Variants in NR1H4 observed in about 807,000 individuals in gnomAD.
NR1H4 encodes the protein bile acid receptor.
Under a neutral mutation model 58.5 loss-of-function variants are expected in NR1H4, and 23 were observed. The observed-to-expected ratio is 0.39, with a 90% CI of 0.28 to 0.56. The LOEUF is 0.56. Ranked by LOEUF, NR1H4 falls within the 20% of genes least tolerant of loss-of-function variation. NR1H4 has a pLI of 0.58. For missense variants in NR1H4, 487 were observed against 576.9 expected, an observed-to-expected ratio of 0.84 and a Z score of 1.60; for synonymous variants, 214 against 198.0, an observed-to-expected ratio of 1.08 and a Z score of -0.68.
In NR1H4 at chr12:100,532,570, A is replaced by T. The variant is rs755284707; in HGVS notation, c.558A>T (p.Lys186Asn). The change falls in exon 5 of 11, where the codon AAA becomes AAT. Residue 186 changes from lysine to asparagine, a missense_variant. Physicochemically the swap from Lys to Asn is moderately conservative, Grantham distance 94. Coordinates refer to ENST00000392986, the MANE Select transcript of NR1H4 (RefSeq NM_001206979.2). ...RRKCQECRLR[K>N]CKEMGMLAEC... ...AGTGTCAAGAGTGTCGACTAAGGAA[A>T]TGCAAAGAGATGGGAATGTTGGCTG... 73 of 1,614,048 alleles carry T rather than the reference A, an allele frequency of 4.5e-5. No homozygotes were observed. The highest frequency in any genetic ancestry group is 6.0e-5 in the Non-Finnish European group (71 of 1,179,998).
At chr12:100,507,334 T>C (rs1953990294) in intron 3 of NR1H4, among the ~76,000 whole-genome samples, 1 of 152,256 alleles carries the variant, frequency 6.6e-6, no homozygotes, top group African/African-American at 2.4e-5. Flanking sequence ...ATTTTATCTT[T>C]TCTTTTTGTG....
rs35724 is a variant in NR1H4 at position 100,561,600 on chromosome 12, C to G, written c.1079-285C>G. Reference sequence around the variant, plus strand: ...CGTTTTTGAGATTCTTTTGGCAATTCAAGAGCATTATCATTGATTATTAGT... The same window carrying G: ...CGTTTTTGAGATTCTTTTGGCAATTGAAGAGCATTATCATTGATTATTAGT... On this transcript the variant is annotated intron_variant, in intron 9 of 10. Transcript: ENST00000392986. 0.51 allele frequency among the ~76,000 whole-genome samples: 77,897 copies of G among 151,888 alleles called. 20,922 individuals are homozygous for G. The highest frequency in any genetic ancestry group is 0.62 in the Non-Finnish European group (42,119 of 67,934).
chr12:100,547,245 G>A (rs1955092039), intron 9 of NR1H4, among the ~76,000 whole-genome samples: 1 of 152,142 alleles, frequency 6.6e-6, no homozygotes, highest in South Asian at 2.1e-4. Context: ...AGAGAAAGAT[G>A]AACTCCCCGA....
At position 100,474,404 on chromosome 12, in the gene NR1H4, T is replaced by C. The variant is rs117796786; in HGVS notation, c.-190+345T>C. Among the ~76,000 whole-genome samples the C allele has an allele frequency of 3.9e-5, 6 of 152,350 alleles. No homozygotes were observed. In the East Asian group the frequency reaches 1.2e-3, roughly 29 times the overall value. On this transcript the variant is annotated intron_variant, in intron 1 of 10. Transcript: ENST00000392986. ...ACAATTTGACTTGTATAGTGTGCTA[T>C]ATTTTGGTGATTTATCAAATCTTGA...
At chr12:100,539,554 T>C (rs1290024304) in intron 8 of NR1H4, among the ~76,000 whole-genome samples, 1 of 152,336 alleles carries the variant, frequency 6.6e-6, no homozygotes, top group Non-Finnish European at 1.5e-5. Context: ...TAGGCCCTGA[T>C]GGTGTTATCT....
chr12:100,506,628 C>G (rs547586583), intron 3 of NR1H4, among the ~76,000 whole-genome samples: 1 of 152,260 alleles, frequency 6.6e-6, no homozygotes, highest in East Asian at 1.9e-4. Context: ...CCTGCCTCAG[C>G]CTCCCGAGTG....
chr12:100,556,467 C>CAAAAA (rs781520049), intron 9 of NR1H4, among the ~76,000 whole-genome samples: 3 of 87,512 alleles, frequency 3.4e-5, no homozygotes, highest in Non-Finnish European at 5.9e-5. Context: ...AACTCCGTCT[C>CAAAAA]AAAGAAAAAA....
intron 4 of NR1H4, among the ~76,000 whole-genome samples, chr12:100,511,819 G>T (rs1954124943): frequency 6.6e-6 from 1 of 152,192 alleles, no homozygotes; most frequent in Non-Finnish European, 1.5e-5. Flanking sequence ...CTACTCAGGA[G>T]GCTGAGGCAG....
chr12:100,485,773 A>G (rs1266165229), intron 1 of NR1H4, among the ~76,000 whole-genome samples: 1 of 152,102 alleles, frequency 6.6e-6, no homozygotes, highest in Non-Finnish European at 1.5e-5. Context: ...ACCTCAGCTG[A>G]TCTGCCCACC....
intron 9 of NR1H4, among the ~76,000 whole-genome samples, chr12:100,541,831 G>A (rs576138178): frequency 6.6e-6 from 1 of 151,370 alleles, no homozygotes; most frequent in Admixed American, 6.6e-5. Context: ...TCCTGGCCTC[G>A]AGTGATCCAC....
At chr12:100,516,941 G>C (rs188582852) in intron 4 of NR1H4, among the ~76,000 whole-genome samples, 8 of 152,002 alleles carry the variant, frequency 5.3e-5, no homozygotes, top group Admixed American at 5.2e-4. Context: ...TGTTTATGGG[G>C]TACAACATGT....
intron 1 of NR1H4, among the ~76,000 whole-genome samples, chr12:100,485,068 TAGA>T (rs1204407645): frequency 6.6e-6 from 1 of 152,204 alleles, no homozygotes; most frequent in Non-Finnish European, 1.5e-5. Context: ...TTGCTCAACT[TAGA>T]AGGAGAGCAT....
At chr12:100,497,009 T>C (rs571895039) in intron 3 of NR1H4, among the ~76,000 whole-genome samples, 3 of 152,192 alleles carry the variant, frequency 2.0e-5, no homozygotes, top group Non-Finnish European at 2.9e-5. Flanking sequence ...AGGCAGTTTA[T>C]GTGAGACATG....
intron 9 of NR1H4, among the ~76,000 whole-genome samples, chr12:100,543,782 A>G (rs975031524): frequency 1.3e-5 from 2 of 152,180 alleles, no homozygotes; most frequent in South Asian, 4.1e-4. Context: ...GGAAAGAATT[A>G]AAGGACAGGC....
At chr12:100,502,832 A>G (rs1369070674) in intron 3 of NR1H4, among the ~76,000 whole-genome samples, 3 of 152,194 alleles carry the variant, frequency 2.0e-5, no homozygotes, top group Admixed American at 6.5e-5. Context: ...ATGAGAGCCA[A>G]GCAAAAGGGG....
At chr12:100,484,823 T>A (rs568521291) in intron 1 of NR1H4, among the ~76,000 whole-genome samples, 2 of 152,200 alleles carry the variant, frequency 1.3e-5, no homozygotes, top group Admixed American at 6.5e-5. Flanking sequence ...TAGTTCCCCA[T>A]TGACCACAGT....
intron 9 of NR1H4, among the ~76,000 whole-genome samples, chr12:100,553,054 A>G (rs1955239851): frequency 6.6e-6 from 1 of 151,966 alleles, no homozygotes; most frequent in Non-Finnish European, 1.5e-5. Context: ...GCTAGAGTGC[A>G]GTGCAGCGAT....
chr12:100,554,136 GC>G (rs1955269394), intron 9 of NR1H4, among the ~76,000 whole-genome samples: 1 of 152,222 alleles, frequency 6.6e-6, no homozygotes, highest in African/African-American at 2.4e-5. Context: ...AAACTATTGG[GC>G]TGCTGAGAGA....
Position 100,563,332 on chromosome 12 carries a change from T to G in NR1H4, c.1274T>G (p.Ile425Ser). ...GATGTGCTACAAAAGTTGTGTAAGA[T>G]TCACCAGCCTGAAAATCCTCAACAC... ...LLDVLQKLCK[I>S]HQPENPQHFA... The change falls in exon 11 of 11, where the codon ATT (isoleucine) becomes AGT (serine). Residue 425 changes from isoleucine to serine, a missense_variant. By Grantham distance (142) the Ile-to-Ser change is moderately radical. Transcript: ENST00000392986. 6.2e-7 allele frequency: 1 copy of G among 1,614,148 alleles called. No homozygotes were observed.
Sources: allele counts gnomAD v4.1 joint callset (sites outside exome capture counted in the v4.1 genomes callset), GRCh38; gene constraint gnomAD v4.1.1; transcripts MANE v1.5; gene names NCBI Gene and HGNC (gene_info 2026-07-23, HGNC 2026-07-21).